The following ITIH1 variants were observed in gnomAD, a reference collection of about 807,000 sequenced individuals.
ITIH1 encodes the protein inter-alpha-trypsin inhibitor heavy chain 1.
Under a neutral mutation model 104.6 loss-of-function variants are expected in ITIH1, and 94 were observed. The observed-to-expected ratio is 0.90, with a 90% CI of 0.76 to 1.07. The LOEUF (loss-of-function observed/expected upper bound fraction) is 1.07, where lower values mean the gene tolerates loss of function less well. Ranked by LOEUF, ITIH1 falls within the 50% of genes least tolerant of loss-of-function variation. The pLI is 0.00. For synonymous variants in ITIH1, 455 were observed against 464.4 expected (o/e 0.98, Z 0.26); for missense variants, 1,193 against 1,181.4 (o/e 1.01, Z -0.14).
At chr3:52,777,799 A>T in intron 1 of ITIH1, 67 bp downstream of exon 1, 1 of 1,449,948 alleles carries the variant, frequency 6.9e-7, no homozygotes, top group Non-Finnish European at 9.5e-7. Flanking sequence ...GGCGGGACAC[A>T]AGACCCCCAT....
Position 52,782,991 on chromosome 3 carries a change from T to G in ITIH1, c.965T>G (p.Met322Arg). The G allele has an allele frequency of 6.2e-7, 1 of 1,614,088 alleles. No homozygotes were observed. Among genetic ancestry groups the G allele is most frequent in the South Asian group, 1.1e-5 (1 of 91,078 alleles). ...GCACTCCTTAAAATTCTGGGGGACATGCAGCCAGGGGACTACTTTGACCTG... is the reference window on the plus strand; with the variant it reads ...GCACTCCTTAAAATTCTGGGGGACAGGCAGCCAGGGGACTACTTTGACCTG... ...KEALLKILGD[M>R]QPGDYFDLVL... Residue 322 changes from methionine to arginine, a missense_variant, in exon 9 of 22, where the codon ATG (methionine) becomes AGG (arginine). Physicochemically the swap from Met to Arg is moderately conservative, Grantham distance 91. Coordinates refer to ENST00000273283, the MANE Select transcript of ITIH1 (RefSeq NM_002215.4).
At chr3:52,780,240 TA>T (rs747431830) in intron 5 of ITIH1, 28 bp from the exon 6 acceptor site, 2 of 1,523,656 alleles carry the variant, frequency 1.3e-6, no homozygotes, top group African/African-American at 2.8e-5. Context: ...TCTTTTTTTT[TA>T]AAAAAATAAT....
At chr3:52,781,265 CTT>C (rs1699045817) in intron 6 of ITIH1, among the ~76,000 whole-genome samples, 1 of 132,894 alleles carries the variant, frequency 7.5e-6, no homozygotes, top group Non-Finnish European at 1.6e-5. Flanking sequence ...TCTTCTTCTT[CTT>C]CTTCTTCTTC....
Position 52,779,256 on chromosome 3 carries a change from C to T in ITIH1, c.411-176C>T, listed in dbSNP as rs1247617464. 1.3e-5 allele frequency among the ~76,000 whole-genome samples: 2 copies of T among 152,214 alleles called. No homozygotes were observed. Among genetic ancestry groups the T allele is most frequent in the African/African-American group, 2.4e-5 (1 of 41,456 alleles). On this transcript the variant is annotated intron_variant, in intron 4 of 21. Coordinates refer to ENST00000273283, the MANE Select transcript of ITIH1 (RefSeq NM_002215.4). This position sits in a 1 kb window ranked among gnomAD's most constrained non-coding sequence, Gnocchi z 4.4. ...TATGCCACTGGGAGAAGTGGGCCCC[C>T]GCCATCTTGGGCCCTGACCCTGACC...
intron 9 of ITIH1, 22 bp downstream of exon 9, chr3:52,783,147 A>G (rs1321180232): frequency 1.5e-5 from 24 of 1,595,492 alleles, no homozygotes; most frequent in Non-Finnish European, 2.1e-5. Flanking sequence ...GGTCTCAGGC[A>G]ACCTTGATGT....
intron 13 of ITIH1, 70 bp from the exon 14 acceptor site, chr3:52,786,875 T>C: frequency 6.8e-7 from 1 of 1,469,716 alleles, no homozygotes; most frequent in Non-Finnish European, 9.2e-7. Context: ...AATGAATAAG[T>C]GAATGGATAG....
Position 52,786,388 on chromosome 3 carries a change from G to C in ITIH1, c.1687G>C (p.Glu563Gln). 1 of 1,585,894 alleles carries C rather than the reference G, an allele frequency of 6.3e-7. No individual in the cohort carries two copies. Among genetic ancestry groups the C allele is most frequent in the African/African-American group, 1.3e-5 (1 of 74,388 alleles). ...ERGHMLENHV[E>Q]RLWAYLTIQE... The stretch of plus-strand genomic sequence containing the variant: ...TGGCCACATGCTGGAGAACCACGTC[G>C]AGCGCCTCTGGGCCTACCTCACCAT... Residue 563 changes from glutamate to glutamine, a missense_variant, in exon 13 of 22, where the codon GAG becomes CAG. Transcript: ENST00000273283.
chr3:52,782,310 C>A, intron 8 of ITIH1, 43 bp downstream of exon 8: 1 of 1,459,472 alleles, frequency 6.9e-7, no homozygotes, highest in Non-Finnish European at 9.6e-7. Flanking sequence ...GAAGCTTCCA[C>A]AGCCCCATCA....
Position 52,783,040 on chromosome 3 carries a change from A to G in ITIH1, c.1014A>G (p.Gln338=), listed in dbSNP as rs773553814. 2 of 1,614,022 alleles carry G rather than the reference A, an allele frequency of 1.2e-6. No individual in the cohort carries two copies. Among genetic ancestry groups the G allele is most frequent in the African/African-American group, 1.3e-5 (1 of 74,978 alleles). The change falls in exon 9 of 22, where the codon CAA becomes CAG. Residue 338 remains glutamine, a synonymous_variant. Transcript: ENST00000273283. ...FDLVLFGTRV[Q]SWKGSLVQAS... ...TGGTTCTTTTTGGGACTCGAGTACA[A>G]TCGTGGAAGGGCTCGCTGGTGCAAG... is the stretch of plus-strand genomic sequence containing the variant.
chr3:52,785,279 C>G (rs1397332009), intron 12 of ITIH1, 50 bp downstream of exon 12: 1 of 1,568,600 alleles, frequency 6.4e-7, no homozygotes, highest in Admixed American at 1.7e-5. Context: ...ACCCTAGAGG[C>G]TCCAAACCCA....
In ITIH1 at chr3:52,782,002, C is replaced by T; in HGVS notation, c.750C>T (p.Ser250=). The T allele has an allele frequency of 6.2e-7, 1 of 1,614,184 alleles. No homozygotes were observed. Among genetic ancestry groups the T allele is most frequent in the Non-Finnish European group, 8.5e-7 (1 of 1,180,032 alleles). The change falls in exon 7 of 22, where the codon TCC becomes TCT. Residue 250 remains serine, a synonymous_variant. Transcript: ENST00000273283. ...QQQSCPTCST[S]LLNGHFKVTY... ...AGTCCTGCCCCACATGCTCTACATC[C>T]TTACTGAACGGGCACTTCAAGGTGA...
chr3:52,787,303 C>T (rs903881753), intron 15 of ITIH1, 101 bp downstream of exon 15: 58 of 1,474,914 alleles, frequency 3.9e-5, no homozygotes, highest in Non-Finnish European at 5.2e-5. Flanking sequence ...CCCATTCTTC[C>T]CTGACTCCAC....
intron 8 of ITIH1, among the ~76,000 whole-genome samples, chr3:52,782,614 T>C (rs1165157599): frequency 6.6e-6 from 1 of 152,040 alleles, no homozygotes; most frequent in Non-Finnish European, 1.5e-5. Flanking sequence ...AGGGAATAGC[T>C]CTCCGCCCAC....
intron 16 of ITIH1, 167 bp downstream of exon 16, chr3:52,787,779 A>G: frequency 1.1e-6 from 1 of 934,700 alleles, no homozygotes; most frequent in Non-Finnish European, 1.7e-6. Context: ...GGGGGAGGAG[A>G]CAGAGAGGGG....
intron 18 of ITIH1, among the ~76,000 whole-genome samples, chr3:52,788,555 A>T (rs2154108716): frequency 7.2e-6 from 1 of 138,644 alleles, no homozygotes; most frequent in African/African-American, 2.6e-5. Flanking sequence ...GGGTAGGCAC[A>T]CAGGGGCTTT....
At chr3:52,782,380 G>C (rs1226155632) in intron 8 of ITIH1, 113 bp downstream of exon 8, 1 of 792,812 alleles carries the variant, frequency 1.3e-6, no homozygotes, top group Non-Finnish European at 2.1e-6. Flanking sequence ...CCTGGTCAGA[G>C]GCAGAGTGAT....
At chr3:52,790,951 G>GCT in intron 20 of ITIH1, 30 bp downstream of exon 20, 36 of 1,579,878 alleles carry the variant, frequency 2.3e-5, no homozygotes, top group Non-Finnish European at 3.1e-5. Flanking sequence ...CAGGGCTGTG[G>GCT]GGAAGGGTGT....
intron 19 of ITIH1, 111 bp downstream of exon 19, chr3:52,789,965 T>C: frequency 1.8e-6 from 2 of 1,106,364 alleles, no homozygotes. Context: ...GTGACACCCA[T>C]GTGGCCTGTG....
chr3:52,786,701 C>T (rs1170837906), intron 13 of ITIH1, among the ~76,000 whole-genome samples: 3 of 152,238 alleles, frequency 2.0e-5, no homozygotes, highest in African/African-American at 4.8e-5. Context: ...CAGCTGTTAA[C>T]GTCTCTGCGT....
Sources: gnomAD v4.1 joint callset for allele counts (sites outside exome capture counted in the v4.1 genomes callset) on GRCh38, gnomAD v4.1.1 for gene constraint, Gnocchi (gnomAD v3.1) non-coding constraint, MANE v1.5 for transcripts, NCBI Gene and HGNC (gene_info 2026-07-23, HGNC 2026-07-21) for gene names.